The following ZWILCH variants were observed in gnomAD, a reference collection of about 807,000 sequenced individuals.
The protein encoded by ZWILCH is zwilch kinetochore protein.
A neutral mutation model predicts 79.9 loss-of-function variants in ZWILCH; 74 were observed. The observed-to-expected ratio is 0.93, with a 90% CI of 0.77 to 1.12. ZWILCH has a LOEUF of 1.12. ZWILCH is among the 50% of genes most tolerant of loss of function. The pLI, the probability that ZWILCH is intolerant of heterozygous loss-of-function variation, is 0.00. For missense variants in ZWILCH, 694 were observed against 687.5 expected (o/e 1.01, Z -0.11); for synonymous variants, 241 against 228.2 (o/e 1.06, Z -0.51).
rs567731185 is a variant in ZWILCH, at chr15:66,535,665, G to C, written c.1342-268G>C. ...CACTCCAGCCTGTGTGGCAGAGTGA[G>C]ACCCTGTCTCAAAAAAAAAAAAAAA... On this transcript the variant is annotated intron_variant, in intron 14 of 18. Transcript: ENST00000307897. Among the ~76,000 whole-genome samples, 6 of 147,690 alleles carry C rather than the reference G, an allele frequency of 4.1e-5. No individual in the cohort carries two copies. In the Admixed American group the frequency reaches 4.1e-4, roughly 10 times the overall value.
chr15:66,534,273 G>T (rs1894942874), intron 14 of ZWILCH, among the ~76,000 whole-genome samples: 1 of 152,106 alleles, frequency 6.6e-6, no homozygotes, highest in South Asian at 2.1e-4. Context: ...ATCTAGAGGT[G>T]ATTTAAAGCA....
At chr15:66,548,215 C>A in intron 18 of ZWILCH, 136 bp from the exon 19 acceptor site, 1 of 241,484 alleles carries the variant, frequency 4.1e-6, no homozygotes, top group Non-Finnish European at 8.1e-6. Context: ...ACTATGATGC[C>A]ATTTTTGTAA....
rs183222637 is a variant in ZWILCH, at chr15:66,548,460, T to G, written c.*136T>G. The G allele has an allele frequency of 7.4e-4, 931 of 1,265,904 alleles. 7 individuals carry two copies. In the African/African-American group the frequency reaches 0.012, roughly 17 times the overall value. 78.4% of individuals were successfully genotyped at this position (1,265,904 alleles called of 1,614,324 possible). On this transcript the variant is annotated 3_prime_UTR_variant, in exon 19 of 19. Transcript: ENST00000307897. The stretch of plus-strand genomic sequence containing the variant: ...AGGGAGGAAGATCCTGAAGATTCTC[T>G]TATGAAGCTCCAAAATTGATAATCC...
At chr15:66,519,906 T>C (rs1894434058) in intron 5 of ZWILCH, among the ~76,000 whole-genome samples, 1 of 152,162 alleles carries the variant, frequency 6.6e-6, no homozygotes, top group Non-Finnish European at 1.5e-5. Context: ...CAAGTGATCC[T>C]CCCACCATAA....
intron 15 of ZWILCH, among the ~76,000 whole-genome samples, chr15:66,536,449 A>T (rs1262457483): frequency 6.6e-6 from 1 of 152,238 alleles, no homozygotes; most frequent in African/African-American, 2.4e-5. Context: ...ATCAAATAGT[A>T]CTACTAGACC....
rs1397617761 is a variant in ZWILCH, at chr15:66,528,873, G to T, written c.991G>T (p.Ala331Ser). ...EVETLKHDTA[A>S]VDRSVKRLFK... ...TCAGACCTTGAAGCATGACACTGCT[G>T]CAGTCGATCGTTCCGTCAAGCGTCT... Residue 331 changes from alanine to serine, a missense_variant, in exon 11 of 19, where the codon GCA (alanine) becomes TCA (serine). Physicochemically the swap from Ala to Ser is moderately conservative, Grantham distance 99. Coordinates refer to ENST00000307897, the MANE Select transcript of ZWILCH (RefSeq NM_017975.5). The T allele has an allele frequency of 1.2e-6, 2 of 1,613,974 alleles. No individual in the cohort carries two copies. The highest frequency in any genetic ancestry group is 2.2e-5 in the South Asian group (2 of 91,072).
chr15:66,527,421 G>C, intron 9 of ZWILCH, 38 bp downstream of exon 9: 1 of 1,455,048 alleles, frequency 6.9e-7, no homozygotes, highest in East Asian at 2.3e-5. Flanking sequence ...ATTTATACTT[G>C]CTATGTTTAA....
In ZWILCH at chr15:66,523,768, TC is replaced by T. The variant is rs1401714104; in HGVS notation, c.819+22del. 1 of 1,563,578 alleles carries T rather than the reference TC, an allele frequency of 6.4e-7. No individual in the cohort carries two copies. Among genetic ancestry groups the T allele is most frequent in the Non-Finnish European group, 8.8e-7 (1 of 1,139,456 alleles). ...CTTCTTGTGAGTATCCTTCTAGAAT[TC>T]CTTTCCTTAAATCTATGTTTTTATA... On this transcript the variant is annotated intron_variant, in intron 8 of 18. Transcript: ENST00000307897.
At chr15:66,525,239 G>A (rs980058503) in intron 8 of ZWILCH, among the ~76,000 whole-genome samples, 10 of 152,178 alleles carry the variant, frequency 6.6e-5, no homozygotes, top group African/African-American at 2.4e-4. Context: ...CCACTCTGCT[G>A]TGTGCCACCC....
At chr15:66,506,116 G>A (rs751177398) in intron 1 of ZWILCH, among the ~76,000 whole-genome samples, 3 of 152,172 alleles carry the variant, frequency 2.0e-5, no homozygotes, top group Non-Finnish European at 2.9e-5. Flanking sequence ...GGATACGGCT[G>A]GTTGGGCATC....
chr15:66,538,671 A>G (rs1268361455), intron 16 of ZWILCH, among the ~76,000 whole-genome samples: 1 of 152,114 alleles, frequency 6.6e-6, no homozygotes, highest in Non-Finnish European at 1.5e-5. Context: ...GTGAGCCACC[A>G]TGCTCGGTCT....
At chr15:66,509,538 A>C (rs1266824058) in intron 2 of ZWILCH, among the ~76,000 whole-genome samples, 2 of 151,998 alleles carry the variant, frequency 1.3e-5, no homozygotes, top group African/African-American at 2.4e-5. Context: ...CATTGTATGG[A>C]TGTACCATAG....
At chr15:66,544,724 T>TTTGTGTGTG (rs145952622) in intron 17 of ZWILCH, among the ~76,000 whole-genome samples, 44 of 128,544 alleles carry the variant, frequency 3.4e-4, no homozygotes, top group African/African-American at 7.7e-4. Flanking sequence ...TTTTTGGTTT[T>TTTGTGTGTG]TGTGTGTGTG....
chr15:66,520,752 CTAGA>C, intron 6 of ZWILCH, 92 bp downstream of exon 6: 2 of 823,104 alleles, frequency 2.4e-6, no homozygotes, highest in Non-Finnish European at 3.8e-6. Flanking sequence ...CCTAAGATGA[CTAGA>C]TATTTTTCTG....
intron 14 of ZWILCH, among the ~76,000 whole-genome samples, chr15:66,535,209 T>C (rs1037813445): frequency 6.6e-6 from 1 of 152,180 alleles, no homozygotes; most frequent in African/African-American, 2.4e-5. Flanking sequence ...ACCTATGAGA[T>C]AACATAGGTG....
At chr15:66,515,727 T>C (rs1894227258) in intron 4 of ZWILCH, 83 bp downstream of exon 4, 1 of 921,120 alleles carries the variant, frequency 1.1e-6, no homozygotes, top group African/African-American at 1.7e-5. Flanking sequence ...AAAATAGGCC[T>C]CTAGCCCTTA....
At position 66,536,067 on chromosome 15, in the gene ZWILCH, A is replaced by C. The variant is rs1257860036; in HGVS notation, c.1476A>C (p.Thr492=). 1 of 1,602,814 alleles carries C rather than the reference A, an allele frequency of 6.2e-7. No individual in the cohort carries two copies. The highest frequency in any genetic ancestry group is 1.3e-5 in the African/African-American group (1 of 74,340). The part of the protein sequence containing the change: ...KSQHELLFSL[T]QICIKYYKQN... ...AACATGAACTCCTCTTTTCTTTAAC[A>C]CAGTAAGTACATCTGTATTCTTCAC... Residue 492 remains threonine, a splice_region_variant and synonymous_variant, in exon 15 of 19, where the codon ACA becomes ACC. Coordinates refer to ENST00000307897, the MANE Select transcript of ZWILCH (RefSeq NM_017975.5).
chr15:66,521,134 G>C lies in ZWILCH; in HGVS notation c.676G>C (p.Ala226Pro), dbSNP rs373537835. The change falls in exon 7 of 19, where the codon GCT becomes CCT. Residue 226 changes from alanine (A) to proline (P), a missense_variant. By Grantham distance (27) the Ala-to-Pro change is conservative (BLOSUM62 -1). Coordinates refer to ENST00000307897, the MANE Select transcript of ZWILCH (RefSeq NM_017975.5). Reference protein sequence around the residue: ...DTITASQTAIALDISWSPVDE... With the variant: ...DTITASQTAIPLDISWSPVDE... The stretch of plus-strand genomic sequence containing the variant: ...AATCACAGCATCACAAACTGCGATC[G>C]CTTTGGATATTTCCTGGAGTCCTGT... The C allele has an allele frequency of 2.0e-5, 32 of 1,613,908 alleles. No individual in the cohort carries two copies. The East Asian group carries it at 6.9e-4, about 35-fold the overall frequency.
chr15:66,510,927 T>G (rs191337684), intron 2 of ZWILCH, among the ~76,000 whole-genome samples: 2 of 152,318 alleles, frequency 1.3e-5, no homozygotes, highest in African/African-American at 2.4e-5. Context: ...AAATTAATCC[T>G]CATCTTGATT....
Sources: gnomAD v4.1 joint callset for allele counts (sites outside exome capture counted in the v4.1 genomes callset) on GRCh38, gnomAD v4.1.1 for gene constraint, MANE v1.5 for transcripts, NCBI Gene and HGNC (gene_info 2026-07-23, HGNC 2026-07-21) for gene names.